ADAM17: variants seen among roughly 807,000 people sequenced by gnomAD.
ADAM17 encodes disintegrin and metalloproteinase domain-containing protein 17.
A neutral mutation model predicts 96.7 loss-of-function variants in ADAM17; 39 were observed. The ratio of observed to expected loss-of-function variants is 0.40; its 90% CI spans 0.31 to 0.53. ADAM17 has a LOEUF of 0.53. ADAM17 is among the 20% of genes least tolerant of loss of function. The probability of loss-of-function intolerance (pLI) is 0.44; values close to 1 mark genes in which losing one functional copy is unlikely to be tolerated. For synonymous variants in ADAM17, 344 were observed against 359.2 expected (o/e 0.96, Z 0.48); for missense variants, 777 against 1,013.2 (o/e 0.77, Z 3.17).
intron 8 of ADAM17, 120 bp downstream of exon 8, chr2:9,521,083 G>T: frequency 1.4e-6 from 1 of 705,322 alleles, no homozygotes; most frequent in Non-Finnish European, 2.5e-6. Context: ...GGATCAGCTG[G>T]AGGAGACTGC....
chr2:9,555,376 A>T, intron 1 of ADAM17, 133 bp downstream of exon 1: 1 of 696,786 alleles, frequency 1.4e-6, no homozygotes, highest in Non-Finnish European at 2.3e-6. Context: ...ACCCCCTTCT[A>T]CACTGAAAAC....
intron 13 of ADAM17, among the ~76,000 whole-genome samples, chr2:9,500,953 T>C (rs1214927043): frequency 3.3e-5 from 5 of 152,164 alleles, no homozygotes; most frequent in Non-Finnish European, 4.4e-5. Context: ...TTTTTAACCA[T>C]CCGCCATGGC....
At chr2:9,527,283 CAAACAAAACA>C (rs60074409) in intron 5 of ADAM17, among the ~76,000 whole-genome samples, 5 of 150,120 alleles carry the variant, frequency 3.3e-5, no homozygotes, top group South Asian at 2.1e-4. Context: ...GATCGCGCTG[CAAACAAAACA>C]AAACAAAACA....
intron 2 of ADAM17, among the ~76,000 whole-genome samples, chr2:9,537,950 GA>G (rs1335865177): frequency 1.2e-4 from 3 of 25,468 alleles, no homozygotes; most frequent in African/African-American, 1.8e-4. Flanking sequence ...AGGGGAAGGG[GA>G]GGGGGAAGAG....
At chr2:9,536,962 AT>A in intron 2 of ADAM17, 134 bp from the exon 3 acceptor site, 2 of 1,037,662 alleles carry the variant, frequency 1.9e-6, no homozygotes, top group Non-Finnish European at 1.4e-6. Flanking sequence ...CTAAAGTCTT[AT>A]TAGGTACTTA....
intron 13 of ADAM17, among the ~76,000 whole-genome samples, chr2:9,498,304 T>A (rs1239794552): frequency 6.6e-6 from 1 of 152,174 alleles, no homozygotes; most frequent in Non-Finnish European, 1.5e-5. Flanking sequence ...AGTGCTGGAA[T>A]GATAGGCATG....
chr2:9,540,215 T>C (rs1283378468), intron 2 of ADAM17, among the ~76,000 whole-genome samples: 1 of 152,206 alleles, frequency 6.6e-6, no homozygotes, highest in Non-Finnish European at 1.5e-5. Flanking sequence ...GTTTCCTCAC[T>C]CTTCCTTCGC....
At chr2:9,517,878 C>A (rs1480216290) in intron 10 of ADAM17, 23 bp downstream of exon 10, 3 of 1,502,410 alleles carry the variant, frequency 2.0e-6, no homozygotes, top group South Asian at 2.6e-5. Context: ...TAACACTATT[C>A]TTTTAGAAAT....
chr2:9,553,701 G>GA (rs1665655582), intron 1 of ADAM17, among the ~76,000 whole-genome samples: 1 of 148,802 alleles, frequency 6.7e-6, no homozygotes. Context: ...GAAAGAAAAA[G>GA]AAAAGAAAAG....
intron 1 of ADAM17, among the ~76,000 whole-genome samples, chr2:9,546,715 C>CTTT (rs59009659): frequency 7.3e-6 from 1 of 137,820 alleles, no homozygotes. Flanking sequence ...TGGCCATATT[C>CTTT]TTTTTTTTTT....
At chr2:9,537,020 A>G (rs931349240) in intron 2 of ADAM17, among the ~76,000 whole-genome samples, 192 bp from the exon 3 acceptor site, 2 of 152,224 alleles carry the variant, frequency 1.3e-5, no homozygotes, top group Non-Finnish European at 2.9e-5. Flanking sequence ...TTATTTAGCT[A>G]TAAAAACAGC....
At position 9,553,315 on chromosome 2, in the gene ADAM17, G is replaced by C. The variant is rs368895351; in HGVS notation, c.97+2194C>G. On this transcript the variant is annotated intron_variant, in intron 1 of 18. Coordinates refer to ENST00000310823, the MANE Select transcript of ADAM17 (RefSeq NM_003183.6). Reference sequence around the variant, plus strand: ...CTATAACCATTTGAAGATGGATATCGTCTGATCTTTGTATTTCCAATGCCA... The same window carrying C: ...CTATAACCATTTGAAGATGGATATCCTCTGATCTTTGTATTTCCAATGCCA... Among the ~76,000 whole-genome samples, 26 of 151,914 alleles carry C rather than the reference G, an allele frequency of 1.7e-4. No individual in the cohort carries two copies. In the South Asian group the frequency reaches 2.1e-3, roughly 12 times the overall value.
At chr2:9,551,854 A>G (rs1665600565) in intron 1 of ADAM17, among the ~76,000 whole-genome samples, 1 of 152,196 alleles carries the variant, frequency 6.6e-6, no homozygotes, top group Admixed American at 6.5e-5. Context: ...GGCCACCCAC[A>G]TAAATAATCT....
At chr2:9,492,529 C>A (rs1662241415) in intron 17 of ADAM17, among the ~76,000 whole-genome samples, 1 of 152,154 alleles carries the variant, frequency 6.6e-6, no homozygotes, top group Non-Finnish European at 1.5e-5. Flanking sequence ...TGGGGAACAT[C>A]TGAAATGCCG....
chr2:9,550,478 C>T (rs1035488139), intron 1 of ADAM17, among the ~76,000 whole-genome samples: 1 of 131,854 alleles, frequency 7.6e-6, no homozygotes, highest in Non-Finnish European at 1.6e-5. Flanking sequence ...TGGAGTCTCA[C>T]TCTGCTGCCC....
chr2:9,518,307 A>G, intron 8 of ADAM17, 60 bp from the exon 9 acceptor site: 1 of 1,452,480 alleles, frequency 6.9e-7, no homozygotes, highest in Non-Finnish European at 9.1e-7. Flanking sequence ...CAATTACATC[A>G]GACTAAAAGA....
In ADAM17 at chr2:9,555,776, C is replaced by T. The variant is rs928405818; in HGVS notation, c.-171G>A. On this transcript the variant is annotated 5_prime_UTR_variant, in exon 1 of 19. Transcript: ENST00000310823. The stretch of plus-strand genomic sequence containing the variant: ...ATTCTACCGCCAGGCTCGACGCCCC[C>T]AGAAGTGCAGGTGGCGTTACCAAAG... 2 of 519,272 alleles carry T rather than the reference C, an allele frequency of 3.9e-6. No individual in the cohort carries two copies. The highest frequency in any genetic ancestry group is 2.0e-5 in the African/African-American group (1 of 51,044). The allele number at this position is 519,272 out of a possible 1,614,324, so 32.2% of individuals were successfully genotyped here.
intron 1 of ADAM17, among the ~76,000 whole-genome samples, chr2:9,551,105 T>A (rs890109596): frequency 2.0e-5 from 3 of 151,474 alleles, no homozygotes; most frequent in Admixed American, 6.6e-5. Context: ...ATTTTGGACA[T>A]GTTATATTTG....
chr2:9,490,372 G>A lies in ADAM17; in HGVS notation c.2280C>T (p.Asp760=), dbSNP rs371018540. ...AAPKLDHQRM[D]TIQEDPSTDS... ...CTGTGCTGGGGTCTTCCTGGATGGT[G>A]TCCATTCTCTGGTGGTCCAGTTTTG... The change falls in exon 19 of 19, where the codon GAC becomes GAT. Residue 760 remains aspartate (D), a synonymous_variant. Transcript: ENST00000310823. The A allele has an allele frequency of 9.4e-5, 152 of 1,614,066 alleles. No individual in the cohort carries two copies. The highest frequency in any genetic ancestry group is 3.3e-4 in the Middle Eastern group (2 of 6,084).
Sources: allele counts gnomAD v4.1 joint callset (sites outside exome capture counted in the v4.1 genomes callset), GRCh38; gene constraint gnomAD v4.1.1; transcripts MANE v1.5; gene names NCBI Gene and HGNC (gene_info 2026-07-23, HGNC 2026-07-21).